The following CRKL variants were observed in gnomAD, a reference collection of about 807,000 sequenced individuals.
CRKL encodes the protein CRK like proto-oncogene, adaptor protein.
CRKL carries 3 observed loss-of-function variants against 23.0 expected under a neutral mutation model. That is an observed-to-expected ratio of 0.13 (90% CI 0.06 to 0.34). CRKL has a LOEUF of 0.34. Among genes scored for constraint, CRKL ranks in the 10% least tolerant of loss-of-function variants. The pLI, the probability that CRKL is intolerant of heterozygous loss-of-function variation, is 1.00. For missense variants in CRKL, 256 were observed against 394.5 expected (o/e 0.65, Z 2.97); for synonymous variants, 188 against 160.7 (o/e 1.17, Z -1.28).
intron 1 of CRKL, among the ~76,000 whole-genome samples, chr22:20,927,516 T>TG (rs1921266594): frequency 6.7e-6 from 1 of 150,098 alleles, no homozygotes; most frequent in Non-Finnish European, 1.5e-5. Flanking sequence ...TTTCTACCTT[T>TG]TTTTTTTTTT....
chr22:20,938,861 A>C (rs1205334980), intron 2 of CRKL, among the ~76,000 whole-genome samples: 1 of 152,186 alleles, frequency 6.6e-6, no homozygotes, highest in Non-Finnish European at 1.5e-5. Flanking sequence ...GGTGTGGCAT[A>C]AGAAAACAAT....
chr22:20,945,094 C>T (rs971183962), intron 2 of CRKL, among the ~76,000 whole-genome samples: 10 of 151,710 alleles, frequency 6.6e-5, no homozygotes, highest in African/African-American at 1.9e-4. Flanking sequence ...CCCGGGTGCA[C>T]GCCATTCTCC....
At chr22:20,946,032 A>G (rs553811214) in intron 2 of CRKL, among the ~76,000 whole-genome samples, 36 of 152,322 alleles carry the variant, frequency 2.4e-4, no homozygotes, top group African/African-American at 8.7e-4. Context: ...TTTGCATACA[A>G]CTTCGCAGGA....
chr22:20,919,669 C>T (rs1920969932), intron 1 of CRKL, among the ~76,000 whole-genome samples: 1 of 152,068 alleles, frequency 6.6e-6, no homozygotes, highest in Non-Finnish European at 1.5e-5. Context: ...AACAAACTGG[C>T]CAGTTCGTTT....
In CRKL at chr22:20,935,132, A is replaced by T. The variant is rs375988070; in HGVS notation, c.777+888A>T. 9.2e-5 allele frequency among the ~76,000 whole-genome samples: 14 copies of T among 151,644 alleles called. No individual in the cohort carries two copies. In the South Asian group the frequency reaches 2.9e-3, roughly 32 times the overall value. ...CCCGGCCCAGGAATGATTTTTTTTG[A>T]GATGGAGTCTTACTTTGTCACCCAG... On this transcript the variant is annotated intron_variant, in intron 2 of 2. Transcript: ENST00000354336.
At chr22:20,936,035 C>G (rs1921647595) in intron 2 of CRKL, among the ~76,000 whole-genome samples, 1 of 152,094 alleles carries the variant, frequency 6.6e-6, no homozygotes, top group Admixed American at 6.5e-5. Context: ...GGGCATGCAC[C>G]TGTAGCCTCA....
Position 20,923,663 on chromosome 22 carries a change from C to CT in CRKL, c.311+5419dup, listed in dbSNP as rs1921077034. ...AATCTTGGCTCACTGCAACCTCCAC[C>CT]TCCTAGGTTCAAGTGATTCTCCTGC... On this transcript the variant is annotated intron_variant, in intron 1 of 2. Transcript: ENST00000354336. 2.7e-5 allele frequency among the ~76,000 whole-genome samples: 4 copies of CT among 150,176 alleles called. No homozygotes were observed. The South Asian group carries it at 8.4e-4, about 32-fold the overall frequency.
Position 20,950,637 on chromosome 22 carries a change from TC to T in CRKL, c.*794del, listed in dbSNP as rs1231910241. The stretch of plus-strand genomic sequence containing the variant: ...CATGTTGACCAGGCTGGTCTCAAAC[TC>T]CTGACTTCAGGTGATCCACCCGCCT... On this transcript the variant is annotated 3_prime_UTR_variant, in exon 3 of 3. Coordinates refer to ENST00000354336, the MANE Select transcript of CRKL (RefSeq NM_005207.4). 4.7e-6 allele frequency: 1 copy of T among 213,552 alleles called. No individual in the cohort carries two copies. The highest frequency in any genetic ancestry group is 9.3e-6 in the Non-Finnish European group (1 of 107,588). The allele number at this position is 213,552 out of a possible 1,614,324, so 13.2% of individuals were successfully genotyped here. A position where few individuals can be genotyped will look rare whatever the true frequency, so the allele number is the denominator to read the frequency against.
rs140538861 is a variant in CRKL at position 20,939,233 on chromosome 22, C to CTTTTTTTTTTTTTTTTTTTTTTTT, written c.777+4991_777+5014dup. Among the ~76,000 whole-genome samples the CTTTTTTTTTTTTTTTTTTTTTTTT allele has an allele frequency of 2.7e-5, 2 of 75,150 alleles. 1 individual carries two copies. Among genetic ancestry groups the CTTTTTTTTTTTTTTTTTTTTTTTT allele is most frequent in the Non-Finnish European group, 4.6e-5 (2 of 43,748 alleles). 49.3% of individuals were successfully genotyped at this position (75,150 alleles called of 152,430 possible). A position where few individuals can be genotyped will look rare whatever the true frequency, so the allele number is the denominator to read the frequency against. On this transcript the variant is annotated intron_variant, in intron 2 of 2. Transcript: ENST00000354336. ...TGTGGCACATCTGGAACATAAGTTG[C>CTTTTTTTTTTTTTTTTTTTTTTTT]TTTTTTTTTTTTTTTTTTTTTTTTT...
chr22:20,953,169 C>T lies in CRKL; in HGVS notation c.*3324C>T. 4.3e-6 allele frequency: 1 copy of T among 231,962 alleles called. No individual in the cohort carries two copies. Among genetic ancestry groups the T allele is most frequent in the South Asian group, 1.8e-4 (1 of 5,528 alleles). The allele number at this position is 231,962 out of a possible 1,614,324, so 14.4% of individuals were successfully genotyped here. On this transcript the variant is annotated 3_prime_UTR_variant, in exon 3 of 3. Coordinates refer to ENST00000354336, the MANE Select transcript of CRKL (RefSeq NM_005207.4). ...CCTTTAATATTATGGTTATTAACCT[C>T]TTAAACATGAATGAATTCTTGATTG... is the stretch of plus-strand genomic sequence containing the variant.
chr22:20,944,481 T>C (rs1921984958), intron 2 of CRKL, among the ~76,000 whole-genome samples: 1 of 152,082 alleles, frequency 6.6e-6, no homozygotes, highest in South Asian at 2.1e-4. Flanking sequence ...CTCGGCTCAC[T>C]GCAACCTCCA....
rs549067426 is a variant in CRKL, at chr22:20,950,022, T to C, written c.*177T>C. The C allele has an allele frequency of 3.3e-5, 25 of 764,088 alleles. No individual in the cohort carries two copies. Among genetic ancestry groups the C allele is most frequent in the Non-Finnish European group, 3.4e-5 (17 of 498,268 alleles). The allele number at this position is 764,088 out of a possible 1,614,324, so 47.3% of individuals were successfully genotyped here. ...CACAGCGGCTGCCTCCTGATGTTTG[T>C]ATCATAGTCGTATTGTCAAAGAGTA... On this transcript the variant is annotated 3_prime_UTR_variant, in exon 3 of 3. Transcript: ENST00000354336.
chr22:20,939,481 C>T (rs1170320534), intron 2 of CRKL, among the ~76,000 whole-genome samples: 1 of 151,964 alleles, frequency 6.6e-6, no homozygotes, highest in East Asian at 1.9e-4. Context: ...CTCCTGACCT[C>T]GTGATCCACC....
Position 20,948,333 on chromosome 22 carries a change from T to C in CRKL, c.778-1378T>C, listed in dbSNP as rs118100489. 5.9e-3 allele frequency among the ~76,000 whole-genome samples: 902 copies of C among 151,988 alleles called. 8 individuals carry two copies. Among genetic ancestry groups the C allele is most frequent in the East Asian group, 0.055 (283 of 5,168 alleles). On this transcript the variant is annotated intron_variant, in intron 2 of 2. Transcript: ENST00000354336. Reference sequence around the variant, plus strand: ...TCCTCATTGGTTTTGAGAGGACCCTTGTTGGTGACAAGGTTGGAAATCCTC... The same window carrying C: ...TCCTCATTGGTTTTGAGAGGACCCTCGTTGGTGACAAGGTTGGAAATCCTC...
At chr22:20,926,903 T>C (rs548273867) in intron 1 of CRKL, among the ~76,000 whole-genome samples, 8 of 151,766 alleles carry the variant, frequency 5.3e-5, no homozygotes, top group Non-Finnish European at 1.0e-4. Context: ...CCTGAGCTCA[T>C]GCGTTCGAGA....
chr22:20,923,508 A>G (rs897066926), intron 1 of CRKL, among the ~76,000 whole-genome samples: 1 of 150,642 alleles, frequency 6.6e-6, no homozygotes, highest in African/African-American at 2.4e-5. Flanking sequence ...CGATCTCCTG[A>G]CCTCGTGAAC....
At chr22:20,928,540 G>A (rs993943982) in intron 1 of CRKL, among the ~76,000 whole-genome samples, 3 of 151,726 alleles carry the variant, frequency 2.0e-5, no homozygotes, top group Non-Finnish European at 2.9e-5. Flanking sequence ...TTGGCCAGGC[G>A]TGGTGGCCCA....
At chr22:20,949,566 C>A in intron 2 of CRKL, 145 bp from the exon 3 acceptor site, 2 of 1,102,416 alleles carry the variant, frequency 1.8e-6, no homozygotes, top group Non-Finnish European at 2.6e-6. Context: ...CTCACCACTA[C>A]ACTCCAGCAT....
intron 2 of CRKL, among the ~76,000 whole-genome samples, chr22:20,935,141 C>T (rs1431108266): frequency 1.3e-5 from 2 of 151,470 alleles, no homozygotes; most frequent in Non-Finnish European, 2.9e-5. Flanking sequence ...GAGATGGAGT[C>T]TTACTTTGTC....
Sources: allele counts gnomAD v4.1 joint callset (sites outside exome capture counted in the v4.1 genomes callset), GRCh38; gene constraint gnomAD v4.1.1; transcripts MANE v1.5; gene names NCBI Gene and HGNC (gene_info 2026-07-23, HGNC 2026-07-21).